Variants in GOLGA6L25 observed in about 807,000 individuals in gnomAD.
GOLGA6L25 encodes the protein golgin A6 family like 25, also known as golgin subfamily A member 6-like protein 25.
At chr15:28,558,346 TG>T in the GOLGA6L25 span, 2 of 265,732 alleles carry the variant, frequency 7.5e-6, no homozygotes, top group Non-Finnish European at 1.2e-5. Context: ...AGTGTTACTG[TG>T]GAGTAGTCAC....
the GOLGA6L25 span, chr15:28,560,156 CAGG>C: frequency 1.0e-5 from 1 of 96,140 alleles, no homozygotes; most frequent in Admixed American, 3.4e-4. Context: ...GAGGCAGGAG[CAGG>C]AGGAGATGTG....
the GOLGA6L25 span, among the ~76,000 whole-genome samples, chr15:28,559,318 A>G: frequency 9.5e-6 from 1 of 105,570 alleles, no homozygotes; most frequent in Non-Finnish European, 1.8e-5. Flanking sequence ...ATCTCGGCTC[A>G]CTGCAAGCTC....
the GOLGA6L25 span, among the ~76,000 whole-genome samples, chr15:28,558,232 G>T: frequency 5.8e-5 from 4 of 69,276 alleles, no homozygotes; most frequent in Non-Finnish European, 8.1e-5. Context: ...CAACAAGAAT[G>T]AAACTCTGCC....
At chr15:28,558,252 A>G in the GOLGA6L25 span, among the ~76,000 whole-genome samples, 3,593 of 61,860 alleles carry the variant, frequency 0.058, 94 homozygotes, top group East Asian at 0.27. Context: ...CAAAAAAAAA[A>G]AAAGAAAGAA....
At chr15:28,559,188 G>A in the GOLGA6L25 span, among the ~76,000 whole-genome samples, 1 of 115,476 alleles carries the variant, frequency 8.7e-6, no homozygotes, top group Non-Finnish European at 1.7e-5. Context: ...TTTTTTAAAG[G>A]ATCATGGATG....
At chr15:28,559,417 G>A in the GOLGA6L25 span, among the ~76,000 whole-genome samples, 1 of 80,826 alleles carries the variant, frequency 1.2e-5, no homozygotes, top group Non-Finnish European at 2.3e-5. Context: ...CTAATTTTTT[G>A]TATTTTTAGT....
chr15:28,559,322 C>T, the GOLGA6L25 span, among the ~76,000 whole-genome samples: 2 of 103,546 alleles, frequency 1.9e-5, no homozygotes, highest in African/African-American at 4.2e-5. Flanking sequence ...CGGCTCACTG[C>T]AAGCTCCACC....
chr15:28,559,387 G>A, the GOLGA6L25 span, among the ~76,000 whole-genome samples: 2 of 70,024 alleles, frequency 2.9e-5, no homozygotes, highest in Admixed American at 1.8e-4. Context: ...GGGACTACAG[G>A]TGCCCACCAC....
At chr15:28,558,255 A>AC in the GOLGA6L25 span, among the ~76,000 whole-genome samples, 3 of 75,366 alleles carry the variant, frequency 4.0e-5, 1 homozygote, top group Non-Finnish European at 2.5e-5. Flanking sequence ...AAAAAAAAAA[A>AC]GAAAGAAAGA....
the GOLGA6L25 span, among the ~76,000 whole-genome samples, chr15:28,559,312 C>T: frequency 2.7e-5 from 3 of 109,662 alleles, no homozygotes; most frequent in Non-Finnish European, 5.3e-5. Flanking sequence ...GGCGCAATCT[C>T]GGCTCACTGC....
chr15:28,560,021 GCGA>G, the GOLGA6L25 span: 3 of 31,920 alleles, frequency 9.4e-5, no homozygotes, highest in African/African-American at 8.3e-4. Flanking sequence ...GGAGCAGGAG[GCGA>G]AGATGTGGAG....
At chr15:28,558,255 AG>A in the GOLGA6L25 span, among the ~76,000 whole-genome samples, 20 of 75,364 alleles carry the variant, frequency 2.7e-4, 1 homozygote, top group East Asian at 1.1e-3. Context: ...AAAAAAAAAA[AG>A]AAAGAAAGAA....
At chr15:28,559,445 GTGTTAACCAGGA>G in the GOLGA6L25 span, among the ~76,000 whole-genome samples, 1 of 83,780 alleles carries the variant, frequency 1.2e-5, no homozygotes, top group African/African-American at 5.3e-5. Context: ...GGGTTTCACT[GTGTTAACCAGGA>G]TGGTCTCGAT....
the GOLGA6L25 span, among the ~76,000 whole-genome samples, chr15:28,559,250 A>ATTTC: frequency 5.4e-5 from 7 of 130,276 alleles, no homozygotes; most frequent in African/African-American, 2.2e-4. Context: ...TTATTTATTT[A>ATTTC]TTTATTTATT....
chr15:28,559,246 A>ATTTATTTC, the GOLGA6L25 span, among the ~76,000 whole-genome samples: 4 of 129,526 alleles, frequency 3.1e-5, no homozygotes, highest in African/African-American at 1.3e-4. Flanking sequence ...TTATTTATTT[A>ATTTATTTC]TTTATTTATT....
chr15:28,558,171 G>A, the GOLGA6L25 span, among the ~76,000 whole-genome samples: 2 of 66,584 alleles, frequency 3.0e-5, 1 homozygote, highest in Admixed American at 3.0e-4. Context: ...TTGAACCCAG[G>A]AGGTGTAGGT....
chr15:28,559,304 C>T, the GOLGA6L25 span, among the ~76,000 whole-genome samples: 13 of 113,592 alleles, frequency 1.1e-4, no homozygotes, highest in African/African-American at 3.3e-4. Flanking sequence ...AGTGCAGTGG[C>T]GCAATCTCGG....
chr15:28,556,401 TG>T, the GOLGA6L25 span, among the ~76,000 whole-genome samples: 23 of 136,902 alleles, frequency 1.7e-4, no homozygotes, highest in Middle Eastern at 3.5e-3. Flanking sequence ...ACATGACCGC[TG>T]GGTTTGGGGG....
the GOLGA6L25 span, chr15:28,558,892 AG>A: frequency 6.1e-6 from 1 of 163,106 alleles, no homozygotes; most frequent in Non-Finnish European, 1.0e-5. Flanking sequence ...GAATCTGAAA[AG>A]TCTGAGATCC....
Sources: gnomAD v4.1 joint callset for allele counts (sites outside exome capture counted in the v4.1 genomes callset) on GRCh38, gnomAD v4.1.1 for gene constraint, MANE v1.5 for transcripts, NCBI Gene and HGNC (gene_info 2026-07-23, HGNC 2026-07-21) for gene names.